AGO4: variants seen among roughly 807,000 people sequenced by gnomAD.
The protein encoded by AGO4 is argonaute RISC component 4.
In AGO4, 33 loss-of-function variants were observed where a neutral mutation model predicts 104.7. The observed-to-expected ratio is 0.32, with a 90% CI of 0.24 to 0.42. AGO4 has a LOEUF of 0.42. AGO4 is among the 10% of genes least tolerant of loss of function. The pLI, the probability that AGO4 is intolerant of heterozygous loss-of-function variation, is 1.00. For synonymous variants in AGO4, 331 were observed against 364.7 expected (o/e 0.91, Z 1.05); for missense variants, 711 against 1,083.4 (o/e 0.66, Z 4.83).
In AGO4 at chr1:35,825,388, G is replaced by T; in HGVS notation, c.382G>T (p.Val128Leu). The change falls in exon 4 of 18, where the codon GTG (valine) becomes TTG (leucine). Residue 128 changes from valine to leucine, a missense_variant. Coordinates refer to ENST00000373210, the MANE Select transcript of AGO4 (RefSeq NM_017629.4). ...AGTGTCTGTTCAGTGGGTGTCAGTT[G>T]TGAGCCTTCAGTTGCTTTTAGAAGC... ...FKVSVQWVSV[V>L]SLQLLLEALA... The T allele has an allele frequency of 6.2e-7, 1 of 1,614,200 alleles. No individual in the cohort carries two copies. Among genetic ancestry groups the T allele is most frequent in the Non-Finnish European group, 8.5e-7 (1 of 1,180,034 alleles).
In AGO4 at chr1:35,856,047, C is replaced by T. The variant is rs1298048812; in HGVS notation, c.*2442C>T. 6.6e-6 allele frequency: 1 copy of T among 152,236 alleles called. No individual in the cohort carries two copies. Among genetic ancestry groups the T allele is most frequent in the African/African-American group, 2.4e-5 (1 of 41,448 alleles). 9.4% of individuals were successfully genotyped at this position (152,236 alleles called of 1,614,324 possible). ...TAGCTTGTCTTGCTCTACGCTCGAC[C>T]TCGAACAATACAGCTTGTAAGACCT... On this transcript the variant is annotated 3_prime_UTR_variant, in exon 18 of 18. Transcript: ENST00000373210.
At chr1:35,812,505 A>G (rs1274058874) in intron 1 of AGO4, among the ~76,000 whole-genome samples, 1 of 152,226 alleles carries the variant, frequency 6.6e-6, no homozygotes. Context: ...GTTAGTATTT[A>G]AACTCAAAGT....
At chr1:35,824,372 C>A (rs1246497098) in intron 3 of AGO4, among the ~76,000 whole-genome samples, 1 of 151,894 alleles carries the variant, frequency 6.6e-6, no homozygotes. Context: ...TTTTGCATGT[C>A]ACTCTATGAT....
chr1:35,816,209 G>T (rs1396553408), intron 1 of AGO4, among the ~76,000 whole-genome samples: 3 of 152,162 alleles, frequency 2.0e-5, no homozygotes, highest in Non-Finnish European at 4.4e-5. Flanking sequence ...CTCTGGGGAT[G>T]GTGGCTCCAG....
rs190390115 is a variant in AGO4, at chr1:35,840,579, G to A, written c.1725-586G>A. Among the ~76,000 whole-genome samples, 53 of 151,968 alleles carry A rather than the reference G, an allele frequency of 3.5e-4. No individual in the cohort carries two copies. The Middle Eastern group carries it at 0.01, about 30-fold the overall frequency. On this transcript the variant is annotated intron_variant, in intron 13 of 17. Coordinates refer to ENST00000373210, the MANE Select transcript of AGO4 (RefSeq NM_017629.4). The stretch of plus-strand genomic sequence containing the variant: ...CTCCCAAAGTGCTGGGATTACAGGC[G>A]TGAGCCACCACGCCCGGCCTCTTTT...
chr1:35,824,289 T>C (rs941965080), intron 3 of AGO4, among the ~76,000 whole-genome samples: 2 of 152,088 alleles, frequency 1.3e-5, no homozygotes, highest in African/African-American at 4.8e-5. Context: ...TATAGTAGTT[T>C]GGTATGTATC....
At chr1:35,833,876 T>A (rs1309287608) in intron 11 of AGO4, 114 bp from the exon 12 acceptor site, 17 of 937,004 alleles carry the variant, frequency 1.8e-5, no homozygotes, top group Non-Finnish European at 2.5e-5. Flanking sequence ...TGTTTACTTG[T>A]TTCTAAATTT....
At position 35,808,902 on chromosome 1, in the gene AGO4, A is replaced by T. The variant is rs1335641204; in HGVS notation, c.19+467A>T. On this transcript the variant is annotated intron_variant, in intron 1 of 17. Transcript: ENST00000373210. The surrounding 1 kb of genome is among the most constrained non-coding windows in gnomAD (Gnocchi z 5.2). ...CACTGGCAGATGGTCCAGAGCCTTC[A>T]GATGAGGAAGAAGAACTTCATCCAA... 6.6e-6 allele frequency among the ~76,000 whole-genome samples: 1 copy of T among 152,222 alleles called. No homozygotes were observed. The highest frequency in any genetic ancestry group is 1.5e-5 in the Non-Finnish European group (1 of 68,034).
chr1:35,815,170 G>A (rs572699346), intron 1 of AGO4, among the ~76,000 whole-genome samples: 6 of 152,218 alleles, frequency 3.9e-5, no homozygotes, highest in Non-Finnish European at 7.4e-5. Flanking sequence ...GAGCCACCAC[G>A]CCTGGCCCAG....
chr1:35,838,037 C>T (rs1011944346), intron 13 of AGO4, among the ~76,000 whole-genome samples: 4 of 151,796 alleles, frequency 2.6e-5, no homozygotes, highest in African/African-American at 9.7e-5. Context: ...AATGTGCCAC[C>T]ATGCCTGCCT....
At chr1:35,853,420 G>GTT in intron 17 of AGO4, 77 bp from the exon 18 acceptor site, 1 of 1,353,030 alleles carries the variant, frequency 7.4e-7, no homozygotes, top group East Asian at 2.4e-5. Flanking sequence ...CCTGTTTTTT[G>GTT]TTTTTTTGTT....
At chr1:35,826,673 A>AAGAC in intron 6 of AGO4, 75 bp from the exon 7 acceptor site, 1 of 1,255,780 alleles carries the variant, frequency 8.0e-7, no homozygotes, top group South Asian at 1.2e-5. Flanking sequence ...TGACATTTTG[A>AAGAC]AGACAACATT....
chr1:35,819,609 T>C (rs1643841164), intron 2 of AGO4, among the ~76,000 whole-genome samples: 1 of 151,662 alleles, frequency 6.6e-6, no homozygotes, highest in Non-Finnish European at 1.5e-5. Flanking sequence ...GGTGTGTGCC[T>C]GTAGTCCCAG....
In AGO4 at chr1:35,808,046, C is replaced by G. The variant is rs1571243954; in HGVS notation, c.-371C>G. On this transcript the variant is annotated 5_prime_UTR_variant, in exon 1 of 18. Coordinates refer to ENST00000373210, the MANE Select transcript of AGO4 (RefSeq NM_017629.4). This position sits in a 1 kb window ranked among gnomAD's most constrained non-coding sequence, Gnocchi z 5.2. ...CCGACCCGCCTCGCCGCCTGCCGGG[C>G]TCTGTGGACCCCGCGCCCGGGGCCG... The G allele has an allele frequency of 6.7e-6, 1 of 150,118 alleles. No individual in the cohort carries two copies. The highest frequency in any genetic ancestry group is 2.0e-4 in the East Asian group (1 of 5,102). 9.3% of individuals were successfully genotyped at this position (150,118 alleles called of 1,614,324 possible). A position where few individuals can be genotyped will look rare whatever the true frequency, so the allele number is the denominator to read the frequency against.
chr1:35,817,406 A>G (rs1172685977), intron 2 of AGO4, among the ~76,000 whole-genome samples: 2 of 144,802 alleles, frequency 1.4e-5, no homozygotes, highest in East Asian at 3.9e-4. Flanking sequence ...GGACATGAGA[A>G]AGATGTATAT....
In AGO4 at chr1:35,847,115, A is replaced by G. The variant is rs1344650264; in HGVS notation, c.2176-3042A>G. ...CAATCTTTTGGCTTCCTTGGACCAC[A>G]TTGGAAGAAGAATTTTCTTGGGCCA... On this transcript the variant is annotated intron_variant, in intron 15 of 17. Transcript: ENST00000373210. Among the ~76,000 whole-genome samples the G allele has an allele frequency of 2.6e-5, 4 of 151,616 alleles. No individual in the cohort carries two copies. In the East Asian group the frequency reaches 7.7e-4, roughly 29 times the overall value.
rs770166564 is a variant in AGO4 at position 35,854,281 on chromosome 1, T to A, written c.*676T>A. 3.3e-5 allele frequency: 5 copies of A among 152,648 alleles called. No homozygotes were observed. Among genetic ancestry groups the A allele is most frequent in the Admixed American group, 2.0e-4 (3 of 15,286 alleles). The allele number at this position is 152,648 out of a possible 1,614,324, so 9.5% of individuals were successfully genotyped here. On this transcript the variant is annotated 3_prime_UTR_variant, in exon 18 of 18. Transcript: ENST00000373210. ...GGCAGTTCTCTTATTTGGTCGACTT[T>A]TGTGAATGTGTGACATAAACAGATG...
chr1:35,850,827 A>AG, intron 16 of AGO4, 27 bp from the exon 17 acceptor site: 2 of 1,544,774 alleles, frequency 1.3e-6, no homozygotes, highest in Non-Finnish European at 8.7e-7. Context: ...CAAAAAAAAA[A>AG]CATTAATCAT....
At chr1:35,816,608 G>T (rs1571257773) in intron 1 of AGO4, among the ~76,000 whole-genome samples, 1 of 151,974 alleles carries the variant, frequency 6.6e-6, no homozygotes. Context: ...AGACCAGCCT[G>T]GCCAATGTGG....
Sources: allele counts gnomAD v4.1 joint callset (sites outside exome capture counted in the v4.1 genomes callset), GRCh38; gene constraint gnomAD v4.1.1; non-coding constraint Gnocchi (gnomAD v3.1); transcripts MANE v1.5; gene names NCBI Gene and HGNC (gene_info 2026-07-23, HGNC 2026-07-21).